AGAP1: variants seen among roughly 807,000 people sequenced by gnomAD.
AGAP1 encodes ArfGAP with GTPase domain, ankyrin repeat and PH domain 1.
In AGAP1, 29 loss-of-function variants were observed where a neutral mutation model predicts 105.3. The observed-to-expected ratio is 0.28, with a 90% CI of 0.21 to 0.38. The LOEUF (loss-of-function observed/expected upper bound fraction) is 0.38. Ranked by LOEUF, AGAP1 falls within the 10% of genes least tolerant of loss-of-function variation. The probability of loss-of-function intolerance (pLI) is 1.00; values close to 1 mark genes in which losing one functional copy is unlikely to be tolerated. For synonymous variants in AGAP1, 509 were observed against 485.9 expected (o/e 1.05, Z -0.63); for missense variants, 998 against 1,165.1 (o/e 0.86, Z 2.09).
chr2:236,037,953 G>A (rs1434450470), intron 14 of AGAP1, among the ~76,000 whole-genome samples: 2 of 152,182 alleles, frequency 1.3e-5, no homozygotes, highest in Non-Finnish European at 2.9e-5. Context: ...TTCTGCCTAT[G>A]ATTTATGTGC....
rs565051779 is a variant in AGAP1 at position 235,770,516 on chromosome 2, C to CT, written c.673+20029dup. Among the ~76,000 whole-genome samples, 595 of 152,208 alleles carry CT rather than the reference C, an allele frequency of 3.9e-3. 2 individuals carry two copies. Among genetic ancestry groups the CT allele is most frequent in the Non-Finnish European group, 6.2e-3 (420 of 68,024 alleles). On this transcript the variant is annotated intron_variant, in intron 6 of 17. Coordinates refer to ENST00000304032, the MANE Select transcript of AGAP1 (RefSeq NM_001037131.3). ...CATCTCGGCTCACTGCAACTGCCGC[C>CT]TCCTAGGTTCAAGTGATTCTCAAGT...
chr2:235,836,904 A>G (rs1220360862), intron 9 of AGAP1, among the ~76,000 whole-genome samples: 1 of 152,120 alleles, frequency 6.6e-6, no homozygotes, highest in Non-Finnish European at 1.5e-5. Context: ...TTTCTAGGTG[A>G]TTCACAATGC....
rs757408724 is a variant in AGAP1 at position 235,859,110 on chromosome 2, G to A, written c.1051-24235G>A. Among the ~76,000 whole-genome samples, 68 of 152,144 alleles carry A rather than the reference G, an allele frequency of 4.5e-4. 1 individual carries two copies. The highest frequency in any genetic ancestry group is 3.9e-3 in the Admixed American group (60 of 15,272). On this transcript the variant is annotated intron_variant, in intron 9 of 17. Transcript: ENST00000304032. ...GTCTCGATCTTTATTAATGGTGCTC[G>A]GCGGCTGCTGACAGTTTTGTTGCTA...
In AGAP1 at chr2:236,049,207, C is replaced by G; in HGVS notation, c.2040C>G (p.Ile680Met). The G allele has an allele frequency of 6.2e-7, 1 of 1,614,180 alleles. No individual in the cohort carries two copies. The highest frequency in any genetic ancestry group is 8.5e-7 in the Non-Finnish European group (1 of 1,180,046). The change falls in exon 16 of 18, where the codon ATC (isoleucine) becomes ATG (methionine). Residue 680 changes from isoleucine (I) to methionine (M), a missense_variant. This residue lies in a region of AGAP1 where 235 missense variants were observed against 270.7 expected (regional missense o/e 0.87). Transcript: ENST00000304032. ...PVELIKVMSS[I>M]GNELANSVWE... ...AGCTCATCAAGGTGATGTCATCCAT[C>G]GGGAACGAGCTAGCCAACAGCGTCT...
intron 3 of AGAP1, among the ~76,000 whole-genome samples, chr2:235,731,662 C>T (rs1951953623): frequency 6.6e-6 from 1 of 152,112 alleles, no homozygotes; most frequent in Admixed American, 6.6e-5. Context: ...TAGTCATCAT[C>T]GTAATGTAGC....
intron 9 of AGAP1, among the ~76,000 whole-genome samples, chr2:235,840,281 G>A (rs748867580): frequency 1.5e-4 from 23 of 152,164 alleles, no homozygotes; most frequent in Non-Finnish European, 1.9e-4. Context: ...GGCTTCAGCC[G>A]CTGTCCATTC....
At chr2:236,075,463 C>T (rs890279190) in intron 16 of AGAP1, among the ~76,000 whole-genome samples, 1 of 152,096 alleles carries the variant, frequency 6.6e-6, no homozygotes, top group Non-Finnish European at 1.5e-5. Flanking sequence ...CGCTGCTGCC[C>T]CCTTGGACAT....
Position 235,752,641 on chromosome 2 carries a change from T to C in AGAP1, c.673+2153T>C, listed in dbSNP as rs1469535067. On this transcript the variant is annotated intron_variant, in intron 6 of 17. Transcript: ENST00000304032. The surrounding 1 kb of genome is among the most constrained non-coding windows in gnomAD (Gnocchi z 4.3). ...GTGCAGAGAGCTTGCCGGTCCCCGA[T>C]GCAGGATATCAGGGACTCAGTTGTC... 7.9e-5 allele frequency among the ~76,000 whole-genome samples: 12 copies of C among 152,334 alleles called. No homozygotes were observed. Among genetic ancestry groups the C allele is most frequent in the African/African-American group, 2.9e-4 (12 of 41,582 alleles).
At chr2:235,537,137 G>A (rs1943264354) in intron 1 of AGAP1, among the ~76,000 whole-genome samples, 1 of 152,236 alleles carries the variant, frequency 6.6e-6, no homozygotes, top group Non-Finnish European at 1.5e-5. Flanking sequence ...TGGACAAGTG[G>A]AGGATATAAA....
rs73996336 is a variant in AGAP1, at chr2:235,721,686, C to G, written c.310+4042C>G. On this transcript the variant is annotated intron_variant, in intron 3 of 17. Coordinates refer to ENST00000304032, the MANE Select transcript of AGAP1 (RefSeq NM_001037131.3). This position sits in a 1 kb window ranked among gnomAD's most constrained non-coding sequence, Gnocchi z 4.5. ...AGGTTGAATCTGTTCTATGTCTGTG[C>G]GGTTCTGATTTAATTAGTGTGTGCA... Among the ~76,000 whole-genome samples, 88 of 152,218 alleles carry G rather than the reference C, an allele frequency of 5.8e-4. No homozygotes were observed. The highest frequency in any genetic ancestry group is 1.6e-3 in the Admixed American group (24 of 15,288).
chr2:235,837,341 A>C (rs148369959), intron 9 of AGAP1, among the ~76,000 whole-genome samples: 2 of 152,302 alleles, frequency 1.3e-5, no homozygotes, highest in East Asian at 3.9e-4. Flanking sequence ...CGGTTACATT[A>C]AAGTAATACT....
chr2:235,704,430 G>A lies in AGAP1; in HGVS notation c.164-4749G>A, dbSNP rs1341575469. Among the ~76,000 whole-genome samples the A allele has an allele frequency of 3.3e-5, 5 of 152,266 alleles. No homozygotes were observed. In the East Asian group the frequency reaches 5.8e-4, roughly 18 times the overall value. The stretch of plus-strand genomic sequence containing the variant: ...TGGGAGGCCGAGGCCAGCGGATCAC[G>A]AGGTCAGGAGATCGAGACCATCCTG... On this transcript the variant is annotated intron_variant, in intron 1 of 17. Coordinates refer to ENST00000304032, the MANE Select transcript of AGAP1 (RefSeq NM_001037131.3).
chr2:235,686,554 TATAC>T (rs1346320769), intron 1 of AGAP1, among the ~76,000 whole-genome samples: 62 of 51,374 alleles, frequency 1.2e-3, no homozygotes, highest in Admixed American at 5.9e-3. Flanking sequence ...GAGATATATA[TATAC>T]ACACACACAC....
chr2:235,889,675 A>T lies in AGAP1; in HGVS notation c.1155+6226A>T, dbSNP rs190299409. On this transcript the variant is annotated intron_variant, in intron 10 of 17. Transcript: ENST00000304032. The surrounding 1 kb of genome is among the most constrained non-coding windows in gnomAD (Gnocchi z 4.6). ...CTGTCCTTTACTTAGGACATAAGCT[A>T]AATCTACATACCCTTCCTACACCAC... is the stretch of plus-strand genomic sequence containing the variant. Among the ~76,000 whole-genome samples, 8 of 151,988 alleles carry T rather than the reference A, an allele frequency of 5.3e-5. No individual in the cohort carries two copies. The highest frequency in any genetic ancestry group is 1.0e-4 in the Non-Finnish European group (7 of 68,006).
At position 235,890,734 on chromosome 2, in the gene AGAP1, G is replaced by A. The variant is rs148868181; in HGVS notation, c.1155+7285G>A. ...TTGGGAAACTGGCTGGAAGGTGTCCGTTTTAGAAACATGGAGAACGAATTC... is the reference window on the plus strand; with the variant it reads ...TTGGGAAACTGGCTGGAAGGTGTCCATTTTAGAAACATGGAGAACGAATTC... On this transcript the variant is annotated intron_variant, in intron 10 of 17. Transcript: ENST00000304032. Among the ~76,000 whole-genome samples, 791 of 152,224 alleles carry A rather than the reference G, an allele frequency of 5.2e-3. 12 individuals are homozygous for A. Among genetic ancestry groups the A allele is most frequent in the African/African-American group, 0.018 (742 of 41,544 alleles).
rs888558812 is a variant in AGAP1, at chr2:235,906,358, GTTC to G, written c.1156-2376_1156-2374del. On this transcript the variant is annotated intron_variant, in intron 10 of 17. Coordinates refer to ENST00000304032, the MANE Select transcript of AGAP1 (RefSeq NM_001037131.3). This position sits in a 1 kb window ranked among gnomAD's most constrained non-coding sequence, Gnocchi z 5.3. Reference sequence around the variant, plus strand: ...TTTCTCCAGTGGTCTTCAGCCCATTGTTCTTCCTCCTGGTTCTGACCCTGGTGT... The same window carrying G: ...TTTCTCCAGTGGTCTTCAGCCCATTGTTCCTCCTGGTTCTGACCCTGGTGT... Among the ~76,000 whole-genome samples the G allele has an allele frequency of 2.6e-5, 4 of 152,188 alleles. No individual in the cohort carries two copies. The highest frequency in any genetic ancestry group is 9.7e-5 in the African/African-American group (4 of 41,434).
Position 236,017,577 on chromosome 2 carries a change from C to T in AGAP1, c.1646-18984C>T, listed in dbSNP as rs142635266. Among the ~76,000 whole-genome samples the T allele has an allele frequency of 5.4e-3, 828 of 152,284 alleles. 4 individuals are homozygous for T. The highest frequency in any genetic ancestry group is 0.019 in the African/African-American group (780 of 41,552). ...AAACACCACCCAAGTAAGGTGGACACTGGAGTTTCCTGTGTCTAGAGGGAG... is the reference window on the plus strand; with the variant it reads ...AAACACCACCCAAGTAAGGTGGACATTGGAGTTTCCTGTGTCTAGAGGGAG... On this transcript the variant is annotated intron_variant, in intron 13 of 17. Transcript: ENST00000304032.
intron 1 of AGAP1, among the ~76,000 whole-genome samples, chr2:235,533,181 T>G (rs1943100698): frequency 6.6e-6 from 1 of 152,232 alleles, no homozygotes; most frequent in Non-Finnish European, 1.5e-5. Context: ...AAAACATCTT[T>G]TAAAAATCTA....
chr2:235,677,812 A>G (rs1948827586), intron 1 of AGAP1, among the ~76,000 whole-genome samples: 1 of 150,688 alleles, frequency 6.6e-6, no homozygotes, highest in Admixed American at 6.7e-5. Context: ...ACTCCTACAC[A>G]GGATCAGAAT....
Sources: gnomAD v4.1 joint callset for allele counts (sites outside exome capture counted in the v4.1 genomes callset) on GRCh38, gnomAD v4.1.1 for gene constraint, gnomAD v4.1.1 regional missense constraint, Gnocchi (gnomAD v3.1) non-coding constraint, MANE v1.5 for transcripts, NCBI Gene and HGNC (gene_info 2026-07-23, HGNC 2026-07-21) for gene names.